Variants in NET1 observed in about 807,000 individuals in gnomAD.
NET1 encodes neuroepithelial cell transforming 1, also known as neuroepithelial cell-transforming gene 1 protein.
A neutral mutation model predicts 61.1 loss-of-function variants in NET1; 42 were observed. That is an observed-to-expected ratio of 0.69 (90% confidence interval 0.54 to 0.89). NET1 has a LOEUF of 0.89. Among genes scored for constraint, NET1 ranks in the 40% least tolerant of loss-of-function variants. NET1 has a pLI of 0.00. For missense variants in NET1, 654 were observed against 747.3 expected (o/e 0.88, Z 1.46); for synonymous variants, 254 against 281.8 (o/e 0.90, Z 0.99).
In NET1 at chr10:5,454,193, A is replaced by G. The variant is rs935391146; in HGVS notation, c.769-72A>G. On this transcript the variant is annotated intron_variant, in intron 8 of 11. Coordinates refer to ENST00000355029, the MANE Select transcript of NET1 (RefSeq NM_001047160.3). This position sits in a 1 kb window ranked among gnomAD's most constrained non-coding sequence, Gnocchi z 8.1. ...AGAATAGCTGTACATTTTGTGTTTC[A>G]TGTTTGCAGGCTTGTTAATGCACTC... 4.8e-6 allele frequency: 7 copies of G among 1,461,852 alleles called. No individual in the cohort carries two copies. The highest frequency in any genetic ancestry group is 6.5e-6 in the Non-Finnish European group (7 of 1,081,464). The allele number at this position is 1,461,852 out of a possible 1,614,324, so 90.6% of individuals were successfully genotyped here. A position where few individuals can be genotyped will look rare whatever the true frequency, so the allele number is the denominator to read the frequency against.
intron 3 of NET1, among the ~76,000 whole-genome samples, chr10:5,450,006 T>C (rs2119208536): frequency 6.6e-6 from 1 of 152,306 alleles, no homozygotes; most frequent in East Asian, 1.9e-4. Context: ...CAGGAGACTC[T>C]TTGTGCTGTC....
rs940092964 is a variant in NET1, at chr10:5,453,714, A to T, written c.768+154A>T. Among the ~76,000 whole-genome samples the T allele has an allele frequency of 1.1e-4, 16 of 151,922 alleles. No homozygotes were observed. Among genetic ancestry groups the T allele is most frequent in the Non-Finnish European group, 2.1e-4 (14 of 67,990 alleles). ...CAAATTTACAGTGACATAAGAAGTT[A>T]CAGTCTGTTTAAAAAAAAAAAAAAA... is the stretch of plus-strand genomic sequence containing the variant. On this transcript the variant is annotated intron_variant, in intron 8 of 11. Coordinates refer to ENST00000355029, the MANE Select transcript of NET1 (RefSeq NM_001047160.3). The surrounding 1 kb of genome is among the most constrained non-coding windows in gnomAD (Gnocchi z 4.9).
rs1217094617 is a variant in NET1 at position 5,431,960 on chromosome 10, G to A, written c.255+2731G>A. Among the ~76,000 whole-genome samples the A allele has an allele frequency of 2.6e-5, 4 of 152,194 alleles. No homozygotes were observed. The East Asian group carries it at 5.8e-4, about 22-fold the overall frequency. On this transcript the variant is annotated intron_variant, in intron 3 of 11. Coordinates refer to ENST00000355029, the MANE Select transcript of NET1 (RefSeq NM_001047160.3). This position sits in a 1 kb window ranked among gnomAD's most constrained non-coding sequence, Gnocchi z 4.9. ...TATCTGTCTTTGGCTGTTGGATGCT[G>A]TTTCAGGATGGTTCCTGTGTCCTTT... is the stretch of plus-strand genomic sequence containing the variant.
In NET1 at chr10:5,456,962, T is replaced by G; in HGVS notation, c.1759T>G (p.Ser587Ala). Reference sequence around the variant, plus strand: ...CCGAAGAGCGAGGGACAAAGCCCTTTCTGGTGGCAAACGGAAAGAGACTTT... The same window carrying G: ...CCGAAGAGCGAGGGACAAAGCCCTTGCTGGTGGCAAACGGAAAGAGACTTT... ...GIRRARDKAL[S>A]GGKRKETLV The change falls in exon 12 of 12, where the codon TCT (serine) becomes GCT (alanine). Residue 587 changes from serine (S) to alanine (A), a missense_variant. Ser to Ala is a moderately conservative substitution (Grantham distance 99). Transcript: ENST00000355029. The surrounding 1 kb of genome is among the most constrained non-coding windows in gnomAD (Gnocchi z 7.0). 6.3e-7 allele frequency: 1 copy of G among 1,576,212 alleles called. No homozygotes were observed. The highest frequency in any genetic ancestry group is 1.4e-5 in the African/African-American group (1 of 73,474).
In NET1 at chr10:5,456,966, G is replaced by A. The variant is rs1342449461; in HGVS notation, c.1763G>A (p.Gly588Asp). 3.2e-6 allele frequency: 5 copies of A among 1,570,786 alleles called. No homozygotes were observed. Among genetic ancestry groups the A allele is most frequent in the Non-Finnish European group, 4.3e-6 (5 of 1,157,982 alleles). ...IRRARDKALS[G>D]GKRKETLV ...AGAGCGAGGGACAAAGCCCTTTCTG[G>A]TGGCAAACGGAAAGAGACTTTGGTG... Residue 588 changes from glycine to aspartate, a missense_variant, in exon 12 of 12, where the codon GGT (glycine) becomes GAT (aspartate). Physicochemically the swap from Gly to Asp is moderately conservative, Grantham distance 94. Transcript: ENST00000355029. The surrounding 1 kb of genome is among the most constrained non-coding windows in gnomAD (Gnocchi z 7.0).
Position 5,452,643 on chromosome 10 carries a change from C to A in NET1, c.531+118C>A. On this transcript the variant is annotated intron_variant, in intron 5 of 11. Coordinates refer to ENST00000355029, the MANE Select transcript of NET1 (RefSeq NM_001047160.3). This position sits in a 1 kb window ranked among gnomAD's most constrained non-coding sequence, Gnocchi z 4.0. ...ATTCCTAATACATGGTGAACAAAACCTAATGATGGATGGTGGTCAAATTAA... is the reference window on the plus strand; with the variant it reads ...ATTCCTAATACATGGTGAACAAAACATAATGATGGATGGTGGTCAAATTAA... 2 of 1,108,060 alleles carry A rather than the reference C, an allele frequency of 1.8e-6. No homozygotes were observed. The highest frequency in any genetic ancestry group is 1.3e-6 in the Non-Finnish European group (1 of 776,856). 68.6% of individuals were successfully genotyped at this position (1,108,060 alleles called of 1,614,324 possible).
In NET1 at chr10:5,438,395, A is replaced by G. The variant is rs145561614; in HGVS notation, c.255+9166A>G. Among the ~76,000 whole-genome samples, 1,109 of 152,304 alleles carry G rather than the reference A, an allele frequency of 7.3e-3. 9 individuals are homozygous for G. The highest frequency in any genetic ancestry group is 0.026 in the African/African-American group (1,061 of 41,572). ...ACTCAAATTAGTAAAATGAGAAATG[A>G]AAGTGGGGCTATTACTACCATATTG... On this transcript the variant is annotated intron_variant, in intron 3 of 11. Transcript: ENST00000355029.
rs750153130 is a variant in NET1, at chr10:5,454,395, G to T, written c.899G>T (p.Arg300Leu). 1 of 1,613,986 alleles carries T rather than the reference G, an allele frequency of 6.2e-7. No homozygotes were observed. Residue 300 changes from arginine (R) to leucine (L), a missense_variant, in exon 9 of 12, where the codon CGA becomes CTA. Transcript: ENST00000355029. The surrounding 1 kb of genome is among the most constrained non-coding windows in gnomAD (Gnocchi z 8.1). ...CGATGTCTCGAGTCTCCCTTCAGTC[G>T]AAAACTAGATCTTTGGAGTTTCCTA... is the stretch of plus-strand genomic sequence containing the variant. ...LQRCLESPFS[R>L]KLDLWSFLDI...
At position 5,446,165 on chromosome 10, in the gene NET1, T is replaced by A. The variant is rs74113038; in HGVS notation, c.256-5665T>A. On this transcript the variant is annotated intron_variant, in intron 3 of 11. Coordinates refer to ENST00000355029, the MANE Select transcript of NET1 (RefSeq NM_001047160.3). The surrounding 1 kb of genome is among the most constrained non-coding windows in gnomAD (Gnocchi z 5.0). ...ACTATTTAAAGACTTAGATAATCTA[T>A]TTTATAATTGTGAATATGCTTGCAC... Among the ~76,000 whole-genome samples the A allele has an allele frequency of 1.4e-3, 217 of 152,340 alleles. 1 individual carries two copies. The highest frequency in any genetic ancestry group is 4.6e-3 in the African/African-American group (192 of 41,582).
chr10:5,446,571 C>T lies in NET1; in HGVS notation c.256-5259C>T, dbSNP rs1832612647. On this transcript the variant is annotated intron_variant, in intron 3 of 11. Coordinates refer to ENST00000355029, the MANE Select transcript of NET1 (RefSeq NM_001047160.3). The surrounding 1 kb of genome is among the most constrained non-coding windows in gnomAD (Gnocchi z 5.0). Reference sequence around the variant, plus strand: ...GGCCCGGTTGGCTGTGGCCCCGCCCCCGAGCCCTGGGGTCGGTGCTTGCTG... The same window carrying T: ...GGCCCGGTTGGCTGTGGCCCCGCCCTCGAGCCCTGGGGTCGGTGCTTGCTG... 2.6e-6 allele frequency: 3 copies of T among 1,175,718 alleles called. No homozygotes were observed. The highest frequency in any genetic ancestry group is 3.2e-6 in the Non-Finnish European group (3 of 952,190). The allele number at this position is 1,175,718 out of a possible 1,614,324, so 72.8% of individuals were successfully genotyped here. A position where few individuals can be genotyped will look rare whatever the true frequency, so the allele number is the denominator to read the frequency against.
intron 2 of NET1, among the ~76,000 whole-genome samples, chr10:5,428,250 G>C (rs1027529864): frequency 6.6e-6 from 1 of 151,998 alleles, no homozygotes; most frequent in Admixed American, 6.6e-5. Flanking sequence ...TTACCCGTGG[G>C]TGCTTATTCA....
At chr10:5,432,648 C>A (rs1318886919) in intron 3 of NET1, among the ~76,000 whole-genome samples, 1 of 151,866 alleles carries the variant, frequency 6.6e-6, no homozygotes, top group Non-Finnish European at 1.5e-5. Context: ...ATTTTGAAGT[C>A]ATTCTACAGA....
rs1215200377 is a variant in NET1, at chr10:5,446,400, C to T, written c.256-5430C>T. Among the ~76,000 whole-genome samples, 1 of 152,208 alleles carries T rather than the reference C, an allele frequency of 6.6e-6. No homozygotes were observed. The highest frequency in any genetic ancestry group is 1.5e-5 in the Non-Finnish European group (1 of 68,034). Reference sequence around the variant, plus strand: ...GTAGATAACGTAACAATTTGTTTTACTTCGGGAATGCATTTTAAATCAGGA... The same window carrying T: ...GTAGATAACGTAACAATTTGTTTTATTTCGGGAATGCATTTTAAATCAGGA... On this transcript the variant is annotated intron_variant, in intron 3 of 11. Coordinates refer to ENST00000355029, the MANE Select transcript of NET1 (RefSeq NM_001047160.3). This position sits in a 1 kb window ranked among gnomAD's most constrained non-coding sequence, Gnocchi z 5.0.
Position 5,453,543 on chromosome 10 carries a change from C to T in NET1, c.751C>T (p.His251Tyr), listed in dbSNP as rs564836015. ...KPDGTVEQIGHILVSWLPRLN... is the reference protein window; with the variant it reads ...KPDGTVEQIGYILVSWLPRLN... Reference sequence around the variant, plus strand: ...TGATGGAACAGTGGAGCAGATTGGTCACATTCTCGTGAGCTGGGTATGTAG... The same window carrying T: ...TGATGGAACAGTGGAGCAGATTGGTTACATTCTCGTGAGCTGGGTATGTAG... Residue 251 changes from histidine (H) to tyrosine (Y), a missense_variant, in exon 8 of 12, where the codon CAC becomes TAC. By Grantham distance (83) the His-to-Tyr change is moderately conservative. Transcript: ENST00000355029. This position sits in a 1 kb window ranked among gnomAD's most constrained non-coding sequence, Gnocchi z 4.9. The T allele has an allele frequency of 3.1e-6, 5 of 1,614,024 alleles. No homozygotes were observed. In the African/African-American group the frequency reaches 4.0e-5, roughly 13 times the overall value.
In NET1 at chr10:5,417,111, A is replaced by G. The variant is rs983491039; in HGVS notation, c.128+4291A>G. Among the ~76,000 whole-genome samples the G allele has an allele frequency of 6.6e-6, 1 of 151,654 alleles. No individual in the cohort carries two copies. The highest frequency in any genetic ancestry group is 2.4e-5 in the African/African-American group (1 of 41,236). ...TGTCAGGTTGCCCGATTCTCCTCCAACCTCCCTGGCCAAGCTCTGCGTCAT... is the reference window on the plus strand; with the variant it reads ...TGTCAGGTTGCCCGATTCTCCTCCAGCCTCCCTGGCCAAGCTCTGCGTCAT... On this transcript the variant is annotated intron_variant, in intron 1 of 11. Coordinates refer to ENST00000355029, the MANE Select transcript of NET1 (RefSeq NM_001047160.3). This position sits in a 1 kb window ranked among gnomAD's most constrained non-coding sequence, Gnocchi z 5.5.
At position 5,421,432 on chromosome 10, in the gene NET1, A is replaced by G. The variant is rs1327961304; in HGVS notation, c.129-5223A>G. Among the ~76,000 whole-genome samples the G allele has an allele frequency of 6.6e-6, 1 of 152,222 alleles. No individual in the cohort carries two copies. The highest frequency in any genetic ancestry group is 6.5e-5 in the Admixed American group (1 of 15,276). On this transcript the variant is annotated intron_variant, in intron 1 of 11. Transcript: ENST00000355029. This position sits in a 1 kb window ranked among gnomAD's most constrained non-coding sequence, Gnocchi z 4.2. ...TATGACCTATGATCTACCAACAGTG[A>G]TAAGGCTTACTCTTTGAATTTTGTT...
chr10:5,434,207 T>C (rs773679561), intron 3 of NET1, among the ~76,000 whole-genome samples: 2 of 152,226 alleles, frequency 1.3e-5, no homozygotes, highest in Non-Finnish European at 2.9e-5. Flanking sequence ...CCCTCTTGTG[T>C]TGTGTTCACA....
At position 5,455,069 on chromosome 10, in the gene NET1, C is replaced by G; in HGVS notation, c.1148C>G (p.Ala383Gly). ...AAGCAGAGGGACCCCAGAATCGAAGCGAGCAAAGTGCTGCTGTGCCATGGG... is the reference window on the plus strand; with the variant it reads ...AAGCAGAGGGACCCCAGAATCGAAGGGAGCAAAGTGCTGCTGTGCCATGGG... Reference protein sequence around the residue: ...DEKQRDPRIEASKVLLCHGEL... With the variant: ...DEKQRDPRIEGSKVLLCHGEL... Residue 383 changes from alanine (A) to glycine (G), a missense_variant, in exon 10 of 12, where the codon GCG (alanine) becomes GGG (glycine). Transcript: ENST00000355029. The surrounding 1 kb of genome is among the most constrained non-coding windows in gnomAD (Gnocchi z 6.5). 1 of 1,614,002 alleles carries G rather than the reference C, an allele frequency of 6.2e-7. No homozygotes were observed. The highest frequency in any genetic ancestry group is 8.5e-7 in the Non-Finnish European group (1 of 1,180,028).
chr10:5,435,637 C>T lies in NET1; in HGVS notation c.255+6408C>T, dbSNP rs1832418826. ...ACAGGTCAAATGAATGACATAAGAC[C>T]TTGGACTTACATAAGCATATAACAT... On this transcript the variant is annotated intron_variant, in intron 3 of 11. Transcript: ENST00000355029. The surrounding 1 kb of genome is among the most constrained non-coding windows in gnomAD (Gnocchi z 5.0). Among the ~76,000 whole-genome samples, 1 of 151,956 alleles carries T rather than the reference C, an allele frequency of 6.6e-6. No homozygotes were observed. Among genetic ancestry groups the T allele is most frequent in the South Asian group, 2.1e-4 (1 of 4,812 alleles).
Sources: gnomAD v4.1 joint callset for allele counts (sites outside exome capture counted in the v4.1 genomes callset) on GRCh38, gnomAD v4.1.1 for gene constraint, Gnocchi (gnomAD v3.1) non-coding constraint, MANE v1.5 for transcripts, NCBI Gene and HGNC (gene_info 2026-07-23, HGNC 2026-07-21) for gene names.